The following AKR1C3 variants were observed in gnomAD, a reference collection of about 807,000 sequenced individuals.
The protein encoded by AKR1C3 is aldo-keto reductase family 1 member C3, also known as 3-alpha hydroxysteroid dehydrogenase, type II.
In AKR1C3, 48 loss-of-function variants were observed where a neutral mutation model predicts 43.6. The observed-to-expected ratio is 1.10, with a 90% CI of 0.87 to 1.40. The LOEUF (loss-of-function observed/expected upper bound fraction) is 1.40, where lower values mean the gene tolerates loss of function less well. Ranked by LOEUF, AKR1C3 falls within the 40% of genes most tolerant of loss-of-function variation. The pLI is 0.00. For missense variants in AKR1C3, 482 were observed against 391.2 expected (o/e 1.23, Z -1.96); for synonymous variants, 162 against 139.6 (o/e 1.16, Z -1.13).
intron 1 of AKR1C3, among the ~76,000 whole-genome samples, chr10:5,051,242 C>G (rs1838147561): frequency 6.6e-6 from 1 of 152,064 alleles, no homozygotes; most frequent in African/African-American, 2.4e-5. Flanking sequence ...ATTACAGGTG[C>G]CTGCCACCAT....
At chr10:5,106,334 T>G (rs1839499902) in intron 8 of AKR1C3, among the ~76,000 whole-genome samples, 1 of 152,158 alleles carries the variant, frequency 6.6e-6, no homozygotes, top group Non-Finnish European at 1.5e-5. Flanking sequence ...TCAAGGAGTG[T>G]GAGTGTGGAG....
chr10:5,092,277 T>C (rs1462555003), upstream of AKR1C3, among the ~76,000 whole-genome samples: 1 of 151,232 alleles, frequency 6.6e-6, no homozygotes, highest in Non-Finnish European at 1.5e-5. Context: ...TTGGTCTCTT[T>C]ATCTGAACTC....
chr10:5,090,418 C>G (rs1839065529), upstream of AKR1C3, among the ~76,000 whole-genome samples: 1 of 152,082 alleles, frequency 6.6e-6, no homozygotes, highest in African/African-American at 2.4e-5. Context: ...TTGTGACTCT[C>G]AGTTCAGATG....
intron 1 of AKR1C3, among the ~76,000 whole-genome samples, chr10:5,065,322 C>T (rs1049758921): frequency 6.6e-6 from 1 of 152,214 alleles, no homozygotes; most frequent in African/African-American, 2.4e-5. Context: ...CATTGTAACA[C>T]TGTTCACAAT....
chr10:5,074,107 C>T (rs1838663032), intron 1 of AKR1C3, among the ~76,000 whole-genome samples: 2 of 151,910 alleles, frequency 1.3e-5, no homozygotes, highest in Admixed American at 6.6e-5. Flanking sequence ...CCTGGAAGCC[C>T]CCTCCCCACT....
intron 1 of AKR1C3, among the ~76,000 whole-genome samples, chr10:5,071,830 T>TTTTGTAA (rs1343163872): frequency 2.0e-5 from 3 of 152,178 alleles, no homozygotes; most frequent in African/African-American, 7.2e-5. Context: ...CCTTCCTACT[T>TTTTGTAA]TTTGTAATTT....
At chr10:5,063,407 T>G (rs1222527650) in intron 1 of AKR1C3, among the ~76,000 whole-genome samples, 1 of 152,026 alleles carries the variant, frequency 6.6e-6, no homozygotes, top group African/African-American at 2.4e-5. Flanking sequence ...GAGAAAGAAA[T>G]ACCAATGTCA....
At chr10:5,103,960 TAAG>T (rs1394687402) in intron 7 of AKR1C3, among the ~76,000 whole-genome samples, 1 of 152,052 alleles carries the variant, frequency 6.6e-6, no homozygotes. Context: ...TATAGTTTAA[TAAG>T]ATATATGAGA....
At position 5,085,312 on chromosome 10, in the gene AKR1C3, T is replaced by C. The variant is rs576718867; in HGVS notation, c.85-11098T>C. ...CGTTGTTGAATTTTGTCAAAGGCCT[T>C]TTCTGCATCTATTGAGATAATCATG... On this transcript the variant is annotated intron_variant, in intron 1 of 8. Transcript: ENST00000439082. 5.5e-4 allele frequency among the ~76,000 whole-genome samples: 84 copies of C among 151,984 alleles called. 2 individuals carry two copies. In the South Asian group the frequency reaches 7.3e-3, roughly 13 times the overall value.
chr10:5,107,270 AT>A (rs1839530236), intron 8 of AKR1C3, among the ~76,000 whole-genome samples, 190 bp from the exon 9 acceptor site: 1 of 152,226 alleles, frequency 6.6e-6, no homozygotes, highest in African/African-American at 2.4e-5. Flanking sequence ...AGATAAGGGA[AT>A]ATGATTGAAT....
At chr10:5,051,918 C>G (rs781787175) in intron 1 of AKR1C3, among the ~76,000 whole-genome samples, 1 of 152,152 alleles carries the variant, frequency 6.6e-6, no homozygotes, top group Non-Finnish European at 1.5e-5. Context: ...TGTATGTTTT[C>G]TTTCTTTCTG....
chr10:5,097,599 A>G (rs1554785358), intron 3 of AKR1C3, 49 bp downstream of exon 3: 2 of 1,610,940 alleles, frequency 1.2e-6, no homozygotes, highest in South Asian at 2.2e-5. Context: ...GTCATTATAA[A>G]CATTGTTTAT....
At chr10:5,054,954 T>C (rs1838229285) in intron 1 of AKR1C3, among the ~76,000 whole-genome samples, 1 of 152,264 alleles carries the variant, frequency 6.6e-6, no homozygotes, top group Non-Finnish European at 1.5e-5. Flanking sequence ...TTCCTTATGG[T>C]ATTTAATGGG....
intron 1 of AKR1C3, among the ~76,000 whole-genome samples, chr10:5,060,167 G>T (rs1554780069): frequency 6.6e-6 from 1 of 152,182 alleles, no homozygotes; most frequent in African/African-American, 2.4e-5. Context: ...AGGCAGTGTG[G>T]ACCCAAAGAG....
At chr10:5,086,127 A>G (rs1315836260) in intron 1 of AKR1C3, among the ~76,000 whole-genome samples, 4 of 151,516 alleles carry the variant, frequency 2.6e-5, no homozygotes, top group African/African-American at 9.8e-5. Flanking sequence ...GCTTTTGAAT[A>G]TGTTTGCTCT....
At chr10:5,104,818 A>AT (rs1249391400) in intron 7 of AKR1C3, among the ~76,000 whole-genome samples, 1 of 152,170 alleles carries the variant, frequency 6.6e-6, no homozygotes, top group Non-Finnish European at 1.5e-5. Flanking sequence ...ACTGAAAATT[A>AT]TTAGAACCTC....
chr10:5,091,989 C>T (rs1297220374), upstream of AKR1C3, among the ~76,000 whole-genome samples: 1 of 152,052 alleles, frequency 6.6e-6, no homozygotes, highest in Non-Finnish European at 1.5e-5. Flanking sequence ...GATCTAATGG[C>T]AATGGACTCT....
intron 1 of AKR1C3, among the ~76,000 whole-genome samples, chr10:5,070,311 C>G (rs1373622063): frequency 1.3e-5 from 2 of 149,510 alleles, no homozygotes; most frequent in African/African-American, 5.0e-5. Context: ...TTCTCAGCAT[C>G]TTGAACAAAG....
chr10:5,073,924 A>T (rs992180087), intron 1 of AKR1C3, among the ~76,000 whole-genome samples: 1 of 152,076 alleles, frequency 6.6e-6, no homozygotes, highest in Non-Finnish European at 1.5e-5. Flanking sequence ...CCCCAAAATC[A>T]CTAAGCTAAA....
Sources: allele counts gnomAD v4.1 joint callset (sites outside exome capture counted in the v4.1 genomes callset), GRCh38; gene constraint gnomAD v4.1.1; transcripts MANE v1.5; gene names NCBI Gene and HGNC (gene_info 2026-07-23, HGNC 2026-07-21).